Variants in UBA1 observed in about 807,000 individuals in gnomAD.
The protein encoded by UBA1 is ubiquitin like modifier activating enzyme 1.
In UBA1, 4 loss-of-function variants were observed where a neutral mutation model predicts 84.7. The ratio of observed to expected loss-of-function variants is 0.05; its 90% confidence interval spans 0.02 to 0.11. The LOEUF (loss-of-function observed/expected upper bound fraction) is 0.11. Among genes scored for constraint, UBA1 ranks in the 10% least tolerant of loss-of-function variants. The pLI, the probability that UBA1 is intolerant of heterozygous loss-of-function variation, is 1.00. For missense variants in UBA1, 513 were observed against 902.8 expected (o/e 0.57, Z 5.53); for synonymous variants, 364 against 362.6 (o/e 1.00, Z -0.04).
At chrX:47,193,464 G>A (rs1182875681), upstream of UBA1, among the ~76,000 whole-genome samples, 1 of 111,846 alleles carries the variant, frequency 8.9e-6, no homozygotes, top group Non-Finnish European at 1.9e-5. Flanking sequence ...GAATGGGGGT[G>A]TGTGGCTTCC....
intron 24 of UBA1, 40 bp downstream of exon 24, chrX:47,214,468 G>A (rs782523943): frequency 4.2e-6 from 5 of 1,199,115 alleles, no homozygotes; most frequent in Non-Finnish European, 5.7e-6. Context: ...ACCTCAGGGG[G>A]CGAGGTGTAC....
rs1936402912 is a variant in UBA1 at position 47,201,138 on chromosome X, A to G, written c.587+138A>G. The G allele has an allele frequency of 3.8e-6, 3 of 789,689 alleles. No homozygotes were observed. In the South Asian group the frequency reaches 6.7e-5, roughly 18 times the overall value. 65.1% of individuals were successfully genotyped at this position (789,689 alleles called of 1,213,427 possible). ...GGGTTCTGTGTTTTCATCTCTCCCC[A>G]TGTGGCACAAGTACCATCTTACATC... On this transcript the variant is annotated intron_variant, in intron 6 of 25. Coordinates refer to ENST00000335972, the MANE Select transcript of UBA1 (RefSeq NM_003334.4).
chrX:47,213,694 T>C (rs1337496134), intron 23 of UBA1, among the ~76,000 whole-genome samples: 1 of 111,519 alleles, frequency 9.0e-6, no homozygotes, highest in South Asian at 3.7e-4. Context: ...GATGAAACCC[T>C]GTCTCTACTA....
intron 9 of UBA1, 31 bp downstream of exon 9, chrX:47,202,284 G>C (rs782539900): frequency 1.7e-6 from 2 of 1,204,377 alleles, no homozygotes; most frequent in Admixed American, 2.2e-5. Context: ...AGTGGGCTGT[G>C]GGGGGTGGTT....
In UBA1 at chrX:47,203,705, G is replaced by C. The variant is rs1556789436; in HGVS notation, c.1575+9G>C. 3 of 1,206,721 alleles carry C rather than the reference G, an allele frequency of 2.5e-6. No homozygotes were observed. The highest frequency in any genetic ancestry group is 5.9e-5 in the East Asian group (2 of 33,746). ...GGCCCTGGGATGTCACGGTGAGTAG[G>C]GTAGGAGGTTGGGGCTTTGTCGTCT... On this transcript the variant is annotated intron_variant, in intron 14 of 25. Coordinates refer to ENST00000335972, the MANE Select transcript of UBA1 (RefSeq NM_003334.4).
intron 1 of UBA1, chrX:47,197,163 G>C (rs1197424958): frequency 4.8e-5 from 36 of 754,993 alleles, no homozygotes; most frequent in Non-Finnish European, 5.5e-5. Context: ...CCAGCCTGCT[G>C]CCTCCCCTCA....
At position 47,214,850 on chromosome X, in the gene UBA1, C is replaced by T. The variant is rs1937081211; in HGVS notation, c.3098C>T (p.Ala1033Val). The change falls in exon 26 of 26, where the codon GCG (alanine) becomes GTG (valine). Residue 1033 changes from alanine to valine, a missense_variant. Ala to Val is a moderately conservative substitution (Grantham distance 64). Transcript: ENST00000335972. ...CGAAAGCTGGGCCGCCACGTGCGGG[C>T]GCTGGTGCTTGAGCTGTGCTGTAAC... ...SKRKLGRHVR[A>V]LVLELCCNDE... 3 of 1,211,755 alleles carry T rather than the reference C, an allele frequency of 2.5e-6. No individual in the cohort carries two copies. Among genetic ancestry groups the T allele is most frequent in the Non-Finnish European group, 2.2e-6 (2 of 895,601 alleles).
chrX:47,192,726 G>A (rs887153721), upstream of UBA1, among the ~76,000 whole-genome samples: 26 of 111,342 alleles, frequency 2.3e-4, no homozygotes, highest in African/African-American at 8.2e-4. Flanking sequence ...CAGTAGCTGG[G>A]ATTACAGGCG....
At chrX:47,198,024 G>A (rs1936265932) in intron 1 of UBA1, 2 of 889,205 alleles carry the variant, frequency 2.2e-6, no homozygotes, top group African/African-American at 2.1e-5. Context: ...AAGGGACTCC[G>A]CATGCAGATG....
chrX:47,212,935 A>G, intron 22 of UBA1, 55 bp from the exon 23 acceptor site: 1 of 1,206,904 alleles, frequency 8.3e-7, no homozygotes, highest in Non-Finnish European at 1.1e-6. Flanking sequence ...CCCTCTGTAG[A>G]CCCTGAGGCT....
upstream of UBA1, among the ~76,000 whole-genome samples, chrX:47,192,967 T>G (rs1247919062): frequency 6.3e-5 from 7 of 111,882 alleles, no homozygotes; most frequent in African/African-American, 2.3e-4. Context: ...TGGGTTTGAT[T>G]GGACCAAGGC....
chrX:47,209,730 G>C (rs782207687), intron 17 of UBA1, 43 bp downstream of exon 17: 15 of 1,177,352 alleles, frequency 1.3e-5, no homozygotes, highest in South Asian at 5.4e-5. Flanking sequence ...CTGTCCACCA[G>C]CCAAGGCATC....
At chrX:47,192,348 ATTTC>A (rs1205404403), upstream of UBA1, among the ~76,000 whole-genome samples, 1 of 111,020 alleles carries the variant, frequency 9.0e-6, no homozygotes, top group African/African-American at 3.3e-5. Flanking sequence ...CTTTCTACTT[ATTTC>A]TTCATTTAAA....
At chrX:47,207,408 C>T (rs963417447) in intron 16 of UBA1, among the ~76,000 whole-genome samples, 6 of 112,037 alleles carry the variant, frequency 5.4e-5, no homozygotes, top group South Asian at 3.7e-4. Context: ...AAAAAAGATC[C>T]GTGCATAAAT....
At chrX:47,192,080 G>T (rs1936074674), upstream of UBA1, among the ~76,000 whole-genome samples, 1 of 111,745 alleles carries the variant, frequency 8.9e-6, no homozygotes. Context: ...TAATCTTCAC[G>T]ACAATCCTAG....
intron 16 of UBA1, among the ~76,000 whole-genome samples, chrX:47,207,572 A>C (rs1267924105): frequency 9.0e-6 from 1 of 111,443 alleles, no homozygotes; most frequent in Non-Finnish European, 1.9e-5. Context: ...AAGAAACAGA[A>C]CCTAGGGATT....
intron 1 of UBA1, 131 bp downstream of exon 1, chrX:47,194,155 G>C (rs1442800839): frequency 3.6e-5 from 4 of 112,194 alleles, no homozygotes; most frequent in African/African-American, 6.5e-5. Flanking sequence ...GGAGTAGGGA[G>C]GGGGAGCGGA....
intron 23 of UBA1, among the ~76,000 whole-genome samples, 180 bp from the exon 24 acceptor site, chrX:47,214,147 G>A (rs1290541997): frequency 1.8e-5 from 2 of 110,345 alleles, no homozygotes; most frequent in African/African-American, 6.6e-5. Context: ...GAGGGTAGGA[G>A]ATGAGAAGAA....
chrX:47,200,859 C>T lies in UBA1; in HGVS notation c.481-35C>T, dbSNP rs1556787529. The T allele has an allele frequency of 5.4e-6, 6 of 1,120,781 alleles. No homozygotes were observed. The Admixed American group carries it at 7.6e-5, about 14-fold the overall frequency. 92.4% of individuals were successfully genotyped at this position (1,120,781 alleles called of 1,213,427 possible). On this transcript the variant is annotated intron_variant, in intron 5 of 25. Coordinates refer to ENST00000335972, the MANE Select transcript of UBA1 (RefSeq NM_003334.4). Reference sequence around the variant, plus strand: ...CAGCCCTCCATTTTTTCCCCTTCACCCCAATGCTGGGCCTGAGCCTCCATC... The same window carrying T: ...CAGCCCTCCATTTTTTCCCCTTCACTCCAATGCTGGGCCTGAGCCTCCATC...
Sources: gnomAD v4.1 joint callset for allele counts (sites outside exome capture counted in the v4.1 genomes callset) on GRCh38, gnomAD v4.1.1 for gene constraint, MANE v1.5 for transcripts, NCBI Gene and HGNC (gene_info 2026-07-23, HGNC 2026-07-21) for gene names.